NID1: variants seen among roughly 807,000 people sequenced by gnomAD.
The protein encoded by NID1 is nidogen-1.
A neutral mutation model predicts 130.6 loss-of-function variants in NID1; 76 were observed. That is an observed-to-expected ratio of 0.58 (90% confidence interval 0.48 to 0.70). The LOEUF (loss-of-function observed/expected upper bound fraction) is 0.70, where lower values mean the gene tolerates loss of function less well. NID1 is among the 30% of genes least tolerant of loss of function. The probability of loss-of-function intolerance (pLI) is 0.00; values close to 1 mark genes in which losing one functional copy is unlikely to be tolerated. For synonymous variants in NID1, 665 were observed against 675.1 expected, an observed-to-expected ratio of 0.98 and a Z score of 0.23; for missense variants, 1,517 against 1,664.8, an observed-to-expected ratio of 0.91 and a Z score of 1.54.
chr1:236,043,655 G>A (rs1435220383), intron 3 of NID1, among the ~76,000 whole-genome samples: 2 of 152,102 alleles, frequency 1.3e-5, no homozygotes, highest in African/African-American at 4.8e-5. Context: ...AAAATTAGCT[G>A]GGCGTGGTGG....
At chr1:236,043,506 C>T (rs1293911157) in intron 3 of NID1, among the ~76,000 whole-genome samples, 2 of 152,004 alleles carry the variant, frequency 1.3e-5, no homozygotes, top group African/African-American at 4.8e-5. Context: ...TTTTAGAAAT[C>T]CCAACTCCAG....
At position 236,045,554 on chromosome 1, in the gene NID1, C is replaced by T. The variant is rs774533610; in HGVS notation, c.655G>A (p.Val219Ile). The change falls in exon 3 of 20, where the codon GTT becomes ATT. Residue 219 changes from valine to isoleucine, a missense_variant. Val to Ile is a conservative substitution (Grantham distance 29). This residue lies in a region of NID1 where 1,329 missense variants were observed against 1,429.2 expected (regional missense o/e 0.93). Coordinates refer to ENST00000264187, the MANE Select transcript of NID1 (RefSeq NM_002508.3). ...KKENNQVPAVVAFSQGSVGFL... is the reference protein window; with the variant it reads ...KKENNQVPAVIAFSQGSVGFL... ...CCCACTGAACCTTGACTGAATGCAACCACGGCAGGAACTTGGTTGTTTTCC... is the reference window on the plus strand; with the variant it reads ...CCCACTGAACCTTGACTGAATGCAATCACGGCAGGAACTTGGTTGTTTTCC... 1.2e-6 allele frequency: 2 copies of T among 1,614,154 alleles called. No individual in the cohort carries two copies. The highest frequency in any genetic ancestry group is 1.1e-5 in the South Asian group (1 of 91,080).
At chr1:235,980,886 A>G (rs897910476) in intron 16 of NID1, among the ~76,000 whole-genome samples, 6 of 152,242 alleles carry the variant, frequency 3.9e-5, no homozygotes, top group Non-Finnish European at 2.9e-5. Flanking sequence ...TCCCTTTAAC[A>G]TAACTGACAT....
At chr1:236,004,511 C>T (rs939260110) in intron 12 of NID1, among the ~76,000 whole-genome samples, 1 of 152,094 alleles carries the variant, frequency 6.6e-6, no homozygotes, top group African/African-American at 2.4e-5. Flanking sequence ...GCCTATAATT[C>T]CAGCACTTTG....
chr1:235,997,516 A>G (rs990564865), intron 12 of NID1, among the ~76,000 whole-genome samples: 1 of 152,148 alleles, frequency 6.6e-6, no homozygotes, highest in South Asian at 2.1e-4. Context: ...AATAATAAAA[A>G]ATATACTGTA....
At chr1:236,040,329 A>G (rs1386969163) in intron 4 of NID1, among the ~76,000 whole-genome samples, 1 of 152,206 alleles carries the variant, frequency 6.6e-6, no homozygotes, top group Non-Finnish European at 1.5e-5. Context: ...ACCAAATGGC[A>G]GCTTCTCCAT....
intron 10 of NID1, among the ~76,000 whole-genome samples, chr1:236,014,151 T>C (rs1477851774): frequency 6.6e-6 from 1 of 152,116 alleles, no homozygotes. Context: ...CCTTGGTATA[T>C]ACCAGGTACC....
At chr1:236,030,860 T>C (rs1288177557) in intron 6 of NID1, among the ~76,000 whole-genome samples, 2 of 152,214 alleles carry the variant, frequency 1.3e-5, no homozygotes. Flanking sequence ...CTGAAGTCCA[T>C]GTATATTACA....
chr1:235,995,264 A>G (rs1341399973), intron 12 of NID1, among the ~76,000 whole-genome samples: 1 of 152,248 alleles, frequency 6.6e-6, no homozygotes, highest in Non-Finnish European at 1.5e-5. Context: ...ACTAGGTATT[A>G]TAAGTGATCT....
Position 236,032,743 on chromosome 1 carries a change from A to G in NID1, c.1286-91T>C, listed in dbSNP as rs182176860. The G allele has an allele frequency of 4.0e-6, 6 of 1,494,378 alleles. No individual in the cohort carries two copies. The African/African-American group carries it at 8.4e-5, about 21-fold the overall frequency. 92.6% of individuals were successfully genotyped at this position (1,494,378 alleles called of 1,614,324 possible). On this transcript the variant is annotated intron_variant, in intron 5 of 19. Transcript: ENST00000264187. The stretch of plus-strand genomic sequence containing the variant: ...TATGTAGGACCTGTACCTATTGGTG[A>G]AGAAAGCAAAGAAACAAAACAGCAC...
chr1:235,992,554 C>T (rs539647050), intron 13 of NID1, among the ~76,000 whole-genome samples: 8 of 152,290 alleles, frequency 5.3e-5, no homozygotes, highest in African/African-American at 1.7e-4. Flanking sequence ...ATGAGCCCAC[C>T]GCCCCACGCA....
intron 1 of NID1, among the ~76,000 whole-genome samples, chr1:236,063,084 G>A (rs977061303): frequency 1.3e-5 from 2 of 148,440 alleles, no homozygotes; most frequent in East Asian, 2.0e-4. Flanking sequence ...AACCTGGGAG[G>A]TGGAGGTTAC....
chr1:236,008,067 T>C (rs1658300139), intron 12 of NID1, among the ~76,000 whole-genome samples: 1 of 152,152 alleles, frequency 6.6e-6, no homozygotes. Flanking sequence ...CCCATGCACA[T>C]ACACAAACAT....
At chr1:236,022,586 C>A (rs143776683) in intron 9 of NID1, among the ~76,000 whole-genome samples, 1 of 151,202 alleles carries the variant, frequency 6.6e-6, no homozygotes, top group Non-Finnish European at 1.5e-5. Flanking sequence ...GATCCATCCA[C>A]CTCGGCCTCC....
chr1:236,044,209 G>C (rs1164744140), intron 3 of NID1, among the ~76,000 whole-genome samples: 2 of 152,156 alleles, frequency 1.3e-5, no homozygotes, highest in Non-Finnish European at 2.9e-5. Context: ...GTGTGTGGGA[G>C]CTTATATGGA....
chr1:236,056,211 A>C (rs1368530848), intron 1 of NID1, among the ~76,000 whole-genome samples: 1 of 152,184 alleles, frequency 6.6e-6, no homozygotes, highest in Non-Finnish European at 1.5e-5. Flanking sequence ...ATAAGGAAAA[A>C]CTCCTTGATA....
In NID1 at chr1:235,978,925, C is replaced by T; in HGVS notation, c.3622+70G>A. On this transcript the variant is annotated intron_variant, in intron 19 of 19. Coordinates refer to ENST00000264187, the MANE Select transcript of NID1 (RefSeq NM_002508.3). The stretch of plus-strand genomic sequence containing the variant: ...AGGCTACTAGTGGCCATACGGGTAG[C>T]AGCCAGAGTGTGGGCTCTGAGCCTC... 4 of 1,036,696 alleles carry T rather than the reference C, an allele frequency of 3.9e-6. No homozygotes were observed. The Admixed American group carries it at 5.2e-5, about 14-fold the overall frequency. The allele number at this position is 1,036,696 out of a possible 1,614,324, so 64.2% of individuals were successfully genotyped here.
At position 236,045,573 on chromosome 1, in the gene NID1, G is replaced by A; in HGVS notation, c.636C>T (p.Asn212=). The part of the protein sequence containing the change: ...QFHTTFSKKE[N]NQVPAVVAFS... ...ATGCAACCACGGCAGGAACTTGGTT[G>A]TTTTCCTTCTTTGAGAATGTCGTAT... Residue 212 remains asparagine (N), a synonymous_variant, in exon 3 of 20, where the codon AAC becomes AAT. Coordinates refer to ENST00000264187, the MANE Select transcript of NID1 (RefSeq NM_002508.3). 6.2e-7 allele frequency: 1 copy of A among 1,614,152 alleles called. No individual in the cohort carries two copies.
chr1:236,049,599 A>C (rs4660151), intron 1 of NID1, among the ~76,000 whole-genome samples: 1 of 152,088 alleles, frequency 6.6e-6, no homozygotes, highest in African/African-American at 2.4e-5. Flanking sequence ...ACAATATAGC[A>C]TCAAGAAGCA....
Sources: gnomAD v4.1 joint callset for allele counts (sites outside exome capture counted in the v4.1 genomes callset) on GRCh38, gnomAD v4.1.1 for gene constraint, gnomAD v4.1.1 regional missense constraint, MANE v1.5 for transcripts, NCBI Gene and HGNC (gene_info 2026-07-23, HGNC 2026-07-21) for gene names.